Variants in ZNF475 observed in about 807,000 individuals in gnomAD.
ZNF475 encodes the protein zinc finger protein 475.
At chr5:122,173,265 C>A in the ZNF475 span, among the ~76,000 whole-genome samples, 1 of 152,138 alleles carries the variant, frequency 6.6e-6, no homozygotes, top group African/African-American at 2.4e-5. Context: ...TTAGCCTGTG[C>A]TATCAGAGAG....
At chr5:122,172,034 T>C in the ZNF475 span, among the ~76,000 whole-genome samples, 2 of 152,224 alleles carry the variant, frequency 1.3e-5, no homozygotes, top group Admixed American at 1.3e-4. Flanking sequence ...TAAGAGCCAC[T>C]GGGCACAGCC....
At chr5:122,168,630 G>A in the ZNF475 span, among the ~76,000 whole-genome samples, 130 of 152,158 alleles carry the variant, frequency 8.5e-4, no homozygotes, top group Non-Finnish European at 1.7e-3. Context: ...GGAGAATGGC[G>A]TGAACCCAGG....
the ZNF475 span, among the ~76,000 whole-genome samples, chr5:122,173,213 C>T: frequency 6.6e-6 from 1 of 152,114 alleles, no homozygotes; most frequent in Non-Finnish European, 1.5e-5. Flanking sequence ...TTTCTATAAA[C>T]AATATTAGTT....
At chr5:122,165,957 G>C in the ZNF475 span, among the ~76,000 whole-genome samples, 2 of 152,224 alleles carry the variant, frequency 1.3e-5, no homozygotes. Flanking sequence ...CAGGCTTACT[G>C]CTTTTGTAAT....
At chr5:122,164,519 C>A in the ZNF475 span, among the ~76,000 whole-genome samples, 5 of 152,046 alleles carry the variant, frequency 3.3e-5, no homozygotes. Context: ...GCTTAAGGAG[C>A]CACATGTTTG....
At chr5:122,165,587 G>T in the ZNF475 span, among the ~76,000 whole-genome samples, 2 of 152,104 alleles carry the variant, frequency 1.3e-5, 1 homozygote, top group Non-Finnish European at 2.9e-5. Flanking sequence ...CACGGTTCAG[G>T]CTTACAGGGG....
At chr5:122,161,427 G>A in the ZNF475 span, among the ~76,000 whole-genome samples, 2 of 152,188 alleles carry the variant, frequency 1.3e-5, no homozygotes, top group African/African-American at 4.8e-5. Flanking sequence ...TAGAAAGGAA[G>A]GATAAGGAGA....
chr5:122,171,126 T>C, the ZNF475 span, among the ~76,000 whole-genome samples: 1 of 152,004 alleles, frequency 6.6e-6, no homozygotes, highest in Non-Finnish European at 1.5e-5. Context: ...TATTAAACTA[T>C]ATTATATATA....
chr5:122,168,514 T>A, the ZNF475 span, among the ~76,000 whole-genome samples: 2 of 152,024 alleles, frequency 1.3e-5, no homozygotes, highest in Non-Finnish European at 2.9e-5. Flanking sequence ...ATTGAGACCA[T>A]CCCCTGGCTA....
At chr5:122,173,462 A>C in the ZNF475 span, among the ~76,000 whole-genome samples, 1 of 152,220 alleles carries the variant, frequency 6.6e-6, no homozygotes, top group African/African-American at 2.4e-5. Flanking sequence ...TATTTCAATC[A>C]GTAACAATGA....
At chr5:122,174,095 C>T in the ZNF475 span, among the ~76,000 whole-genome samples, 57 of 152,222 alleles carry the variant, frequency 3.7e-4, no homozygotes, top group Admixed American at 2.4e-3. Flanking sequence ...GCCCTCCTTA[C>T]TCTGTTATGC....
the ZNF475 span, among the ~76,000 whole-genome samples, chr5:122,161,098 G>A: frequency 6.6e-6 from 1 of 152,164 alleles, no homozygotes; most frequent in East Asian, 1.9e-4. Context: ...CTTTACTTGG[G>A]ACTCCATCTT....
At chr5:122,170,075 CA>C in the ZNF475 span, among the ~76,000 whole-genome samples, 1 of 152,222 alleles carries the variant, frequency 6.6e-6, no homozygotes, top group Non-Finnish European at 1.5e-5. Context: ...TGTATTCAAC[CA>C]TAAACAATTA....
chr5:122,165,182 G>A, the ZNF475 span, among the ~76,000 whole-genome samples: 1 of 152,178 alleles, frequency 6.6e-6, no homozygotes, highest in South Asian at 2.1e-4. Context: ...CATTTAGTGT[G>A]GGCCTCACGT....
chr5:122,176,225 A>C, the ZNF475 span, among the ~76,000 whole-genome samples: 12 of 152,178 alleles, frequency 7.9e-5, no homozygotes, highest in South Asian at 2.5e-3. Flanking sequence ...CCCTACTATA[A>C]ATATTCTCCC....
chr5:122,160,753 A>C, the ZNF475 span, among the ~76,000 whole-genome samples: 1 of 152,182 alleles, frequency 6.6e-6, no homozygotes, highest in Non-Finnish European at 1.5e-5. Flanking sequence ...TACTCTCGAA[A>C]AGTTAATCTA....
At chr5:122,170,797 G>A in the ZNF475 span, among the ~76,000 whole-genome samples, 105 of 152,256 alleles carry the variant, frequency 6.9e-4, no homozygotes, top group East Asian at 5.6e-3. Context: ...CAACCAGCCC[G>A]AATCTTAAAG....
chr5:122,166,279 A>G, the ZNF475 span, among the ~76,000 whole-genome samples: 1 of 152,188 alleles, frequency 6.6e-6, no homozygotes, highest in South Asian at 2.1e-4. Flanking sequence ...ACACATACAC[A>G]TTTACATACT....
the ZNF475 span, among the ~76,000 whole-genome samples, chr5:122,165,276 C>T: frequency 6.6e-6 from 1 of 152,134 alleles, no homozygotes; most frequent in African/African-American, 2.4e-5. Flanking sequence ...ATCTAGAATC[C>T]TATTGTTTTA....
Sources: gnomAD v4.1 joint callset for allele counts (sites outside exome capture counted in the v4.1 genomes callset) on GRCh38, gnomAD v4.1.1 for gene constraint, MANE v1.5 for transcripts, NCBI Gene and HGNC (gene_info 2026-07-23, HGNC 2026-07-21) for gene names.